Variants in DHX29 observed in about 807,000 individuals in gnomAD.
DHX29 encodes DExH-box helicase 29.
Under a neutral mutation model 167.9 loss-of-function variants are expected in DHX29, and 79 were observed. The ratio of observed to expected loss-of-function variants is 0.47; its 90% CI spans 0.39 to 0.57. The LOEUF (loss-of-function observed/expected upper bound fraction) is 0.57. DHX29 is among the 20% of genes least tolerant of loss of function. DHX29 has a pLI of 0.00. For missense variants in DHX29, 1,347 were observed against 1,593.4 expected (o/e 0.85, Z 2.63); for synonymous variants, 530 against 546.0 (o/e 0.97, Z 0.41).
intron 8 of DHX29, among the ~76,000 whole-genome samples, chr5:55,288,903 A>C (rs1240376175): frequency 6.6e-6 from 1 of 152,218 alleles, no homozygotes; most frequent in Admixed American, 6.5e-5. Flanking sequence ...ATTGTGGCAG[A>C]ATGCAAAAGA....
At chr5:55,307,091 G>A (rs1396680664) in intron 1 of DHX29, among the ~76,000 whole-genome samples, 3 of 152,210 alleles carry the variant, frequency 2.0e-5, no homozygotes, top group Non-Finnish European at 4.4e-5. Context: ...TGGTGCTCAG[G>A]ATGAATTCCT....
chr5:55,270,430 T>C lies in DHX29; in HGVS notation c.3051A>G (p.Glu1017=), dbSNP rs747403295. 2.2e-5 allele frequency: 36 copies of C among 1,610,544 alleles called. No homozygotes were observed. Among genetic ancestry groups the C allele is most frequent in the Non-Finnish European group, 3.1e-5 (36 of 1,178,818 alleles). ...VPEILRVPLE[E]LCLHIMKCNL... Reference sequence around the variant, plus strand: ...AGATTACCATAATATGAAGGCATAATTCCTCCAAAGGTACACGTAAGATTT... The same window carrying C: ...AGATTACCATAATATGAAGGCATAACTCCTCCAAAGGTACACGTAAGATTT... The change falls in exon 20 of 27, where the codon GAA becomes GAG. Residue 1017 remains glutamate, a synonymous_variant. Coordinates refer to ENST00000251636, the MANE Select transcript of DHX29 (RefSeq NM_019030.4).
chr5:55,295,416 G>C lies in DHX29; in HGVS notation c.614C>G (p.Pro205Arg). 1.9e-6 allele frequency: 3 copies of C among 1,613,312 alleles called. No individual in the cohort carries two copies. Among genetic ancestry groups the C allele is most frequent in the Non-Finnish European group, 2.5e-6 (3 of 1,179,434 alleles). Reference protein sequence around the residue: ...IQATISPPLQPKTKTYEEDPK... With the variant: ...IQATISPPLQRKTKTYEEDPK... ...GTCCTCTTCATATGTTTTTGTTTTAGGTTGCAATGGAGGTGAAATAGTGGC... is the reference window on the plus strand; with the variant it reads ...GTCCTCTTCATATGTTTTTGTTTTACGTTGCAATGGAGGTGAAATAGTGGC... Residue 205 changes from proline to arginine, a missense_variant, in exon 5 of 27, where the codon CCT becomes CGT. Around this residue, in one of 3 missense-constraint regions of DHX29, gnomAD observed 405 missense variants for 416.8 expected, o/e 0.97. Coordinates refer to ENST00000251636, the MANE Select transcript of DHX29 (RefSeq NM_019030.4).
At chr5:55,289,463 G>C in intron 7 of DHX29, 35 bp from the exon 8 acceptor site, 1 of 1,447,462 alleles carries the variant, frequency 6.9e-7, no homozygotes, top group Non-Finnish European at 9.1e-7. Context: ...TAGTTTCATG[G>C]TTTTAAAAAA....
chr5:55,304,438 G>A (rs1053432897), intron 1 of DHX29, among the ~76,000 whole-genome samples: 63 of 150,328 alleles, frequency 4.2e-4, no homozygotes, highest in African/African-American at 1.4e-3. Context: ...CAGCCTCTCC[G>A]AGTAGCTGGG....
Position 55,283,350 on chromosome 5 carries a change from T to C in DHX29, c.1818A>G (p.Pro606=), listed in dbSNP as rs1340759279. ...GAAGCAAATCTTCCAATAGAAAATG[T>C]GGTACCTGAGTACTTTTACCACTCC... ...ETGSGKSTQV[P]HFLLEDLLLN... The change falls in exon 11 of 27, where the codon CCA becomes CCG. Residue 606 remains proline, a synonymous_variant. Transcript: ENST00000251636. 3 of 1,614,072 alleles carry C rather than the reference T, an allele frequency of 1.9e-6. No homozygotes were observed. In the African/African-American group the frequency reaches 4.0e-5, roughly 22 times the overall value.
chr5:55,288,800 A>G (rs1747878780), intron 8 of DHX29, among the ~76,000 whole-genome samples: 1 of 152,212 alleles, frequency 6.6e-6, no homozygotes, highest in Admixed American at 6.5e-5. Flanking sequence ...GGGGGTAGCA[A>G]GATGAGCGAA....
At chr5:55,290,491 A>T in intron 6 of DHX29, 147 bp from the exon 7 acceptor site, 1 of 986,336 alleles carries the variant, frequency 1.0e-6, no homozygotes, top group Non-Finnish European at 1.4e-6. Context: ...TTTCATAGAG[A>T]AATAAAACAA....
At chr5:55,264,156 C>T (rs1288241049) in intron 23 of DHX29, among the ~76,000 whole-genome samples, 1 of 151,842 alleles carries the variant, frequency 6.6e-6, no homozygotes, top group East Asian at 1.9e-4. Flanking sequence ...TATAGCATAT[C>T]GTATTAAACA....
chr5:55,269,933 G>A (rs953117164), intron 20 of DHX29, among the ~76,000 whole-genome samples: 10 of 152,012 alleles, frequency 6.6e-5, no homozygotes, highest in African/African-American at 2.2e-4. Flanking sequence ...AGAACTGAAG[G>A]ATATTATAGA....
At chr5:55,260,265 TC>T in intron 25 of DHX29, among the ~76,000 whole-genome samples, 1 of 152,166 alleles carries the variant, frequency 6.6e-6, no homozygotes, top group East Asian at 1.9e-4. Flanking sequence ...GGAGTCTCTC[TC>T]TGTTGCCCAG....
intron 1 of DHX29, among the ~76,000 whole-genome samples, chr5:55,300,214 T>A (rs1748530539): frequency 6.6e-6 from 1 of 151,620 alleles, no homozygotes; most frequent in Non-Finnish European, 1.5e-5. Context: ...TCTACAAAAA[T>A]TATCCAGCTG....
At chr5:55,263,669 AG>A (rs931608499) in intron 23 of DHX29, among the ~76,000 whole-genome samples, 25 of 151,418 alleles carry the variant, frequency 1.7e-4, no homozygotes, top group Non-Finnish European at 3.4e-4. Context: ...GGTGAAGAAA[AG>A]GCTCACAGAA....
chr5:55,305,646 C>T (rs986084789), intron 1 of DHX29, among the ~76,000 whole-genome samples: 4 of 152,130 alleles, frequency 2.6e-5, no homozygotes, highest in African/African-American at 4.8e-5. Flanking sequence ...GTTGCTACTC[C>T]AGGAATTCAC....
intron 22 of DHX29, among the ~76,000 whole-genome samples, chr5:55,267,451 TAA>T (rs1171141015): frequency 6.6e-6 from 1 of 152,186 alleles, no homozygotes. Context: ...AGTAAATTAT[TAA>T]GTTACTTCAA....
rs201030012 is a variant in DHX29, at chr5:55,256,515, C to T, written c.4083G>A (p.Thr1361=). 6.9e-6 allele frequency: 11 copies of T among 1,591,648 alleles called. No individual in the cohort carries two copies. The highest frequency in any genetic ancestry group is 5.4e-5 in the Admixed American group (3 of 55,858). Residue 1361 remains threonine (T), a synonymous_variant, in exon 27 of 27, where the codon ACG becomes ACA. Coordinates refer to ENST00000251636, the MANE Select transcript of DHX29 (RefSeq NM_019030.4). ...AGTTATTCTCTGTTTTTATCAATTC[C>T]GTAATGATCTGCAGAATCTTGTCAT... ...LENDKILQII[T]ELIKTENN is the part of the protein sequence containing the mutation.
chr5:55,305,355 A>C (rs138410387), intron 1 of DHX29, among the ~76,000 whole-genome samples: 5 of 152,366 alleles, frequency 3.3e-5, no homozygotes, highest in African/African-American at 1.2e-4. Context: ...GGCAAGAATA[A>C]ATACGAGGAA....
intron 24 of DHX29, 112 bp downstream of exon 24, chr5:55,262,518 G>A: frequency 7.5e-7 from 1 of 1,340,268 alleles, no homozygotes; most frequent in Non-Finnish European, 1.0e-6. Context: ...TAACAAAAAT[G>A]AATAGCTCAA....
At chr5:55,285,662 A>G (rs1286214111) in intron 9 of DHX29, 34 bp downstream of exon 9, 2 of 1,527,348 alleles carry the variant, frequency 1.3e-6, no homozygotes, top group South Asian at 1.3e-5. Flanking sequence ...AAGTTCATTC[A>G]GTTAATTAAA....
Sources: allele counts gnomAD v4.1 joint callset (sites outside exome capture counted in the v4.1 genomes callset), GRCh38; gene constraint gnomAD v4.1.1; regional missense constraint gnomAD v4.1.1; transcripts MANE v1.5; gene names NCBI Gene and HGNC (gene_info 2026-07-23, HGNC 2026-07-21).